Variants in CREB5 observed in about 807,000 individuals in gnomAD.
The protein encoded by CREB5 is cyclic AMP-responsive element-binding protein 5.
CREB5 carries 19 observed loss-of-function variants against 57.1 expected under a neutral mutation model. The observed-to-expected ratio is 0.33, with a 90% CI of 0.23 to 0.49. CREB5 has a LOEUF of 0.49. Ranked by LOEUF, CREB5 falls within the 20% of genes least tolerant of loss-of-function variation. The pLI is 0.99. For missense variants in CREB5, 579 were observed against 671.6 expected (o/e 0.86, Z 1.52); for synonymous variants, 238 against 238.3 (o/e 1.00, Z 0.01).
At chr7:28,515,547 AG>A (rs1319744074) in intron 4 of CREB5, among the ~76,000 whole-genome samples, 1 of 152,110 alleles carries the variant, frequency 6.6e-6, no homozygotes, top group East Asian at 1.9e-4. Context: ...AACCATACCC[AG>A]GGCTTTCCCA....
chr7:28,772,511 A>G (rs775065076), intron 7 of CREB5, among the ~76,000 whole-genome samples: 13 of 152,110 alleles, frequency 8.5e-5, no homozygotes, highest in Non-Finnish European at 1.6e-4. Context: ...CCAGCACTGA[A>G]TAACTGGGTA....
At chr7:28,513,488 G>T (rs996139679) in intron 4 of CREB5, 2 of 150,680 alleles carry the variant, frequency 1.3e-5, no homozygotes, top group Non-Finnish European at 2.9e-5. Flanking sequence ...AACACTCATT[G>T]ACAGTGATAT....
chr7:28,685,082 A>G (rs1800796569), intron 5 of CREB5, among the ~76,000 whole-genome samples: 1 of 152,076 alleles, frequency 6.6e-6, no homozygotes, highest in Non-Finnish European at 1.5e-5. Context: ...AAAAAGAGAC[A>G]CACATACTGT....
intron 1 of CREB5, among the ~76,000 whole-genome samples, chr7:28,446,012 T>C (rs982714789): frequency 6.6e-6 from 1 of 152,222 alleles, no homozygotes; most frequent in African/African-American, 2.4e-5. Context: ...ATTCTGTCCC[T>C]ATTCCCTGAA....
chr7:28,571,936 G>A (rs1325094255), intron 5 of CREB5, among the ~76,000 whole-genome samples: 1 of 152,192 alleles, frequency 6.6e-6, no homozygotes, highest in East Asian at 1.9e-4. Context: ...TGTTTGGTAT[G>A]TGCATCAACA....
chr7:28,551,458 C>G (rs955795238), intron 4 of CREB5, among the ~76,000 whole-genome samples: 2 of 152,154 alleles, frequency 1.3e-5, no homozygotes, highest in Non-Finnish European at 1.5e-5. Flanking sequence ...AATTCCTTCC[C>G]GGGTTCATAT....
At chr7:28,535,561 CTA>C (rs1462009680) in intron 4 of CREB5, among the ~76,000 whole-genome samples, 1 of 151,248 alleles carries the variant, frequency 6.6e-6, no homozygotes, top group Non-Finnish European at 1.5e-5. Flanking sequence ...TTTTCAGACA[CTA>C]TATCATCTTA....
rs540905066 is a variant in CREB5 at position 28,729,287 on chromosome 7, G to T, written c.702+4955G>T. Among the ~76,000 whole-genome samples, 4 of 152,262 alleles carry T rather than the reference G, an allele frequency of 2.6e-5. No homozygotes were observed. The South Asian group carries it at 8.3e-4, about 32-fold the overall frequency. ...TTTTAAACACAAAACTGGACCCTGAGCTTGGGCCTTCACATTTCTACCTAG... is the reference window on the plus strand; with the variant it reads ...TTTTAAACACAAAACTGGACCCTGATCTTGGGCCTTCACATTTCTACCTAG... On this transcript the variant is annotated intron_variant, in intron 7 of 10. Coordinates refer to ENST00000357727, the MANE Select transcript of CREB5 (RefSeq NM_182898.4).
chr7:28,393,950 C>T (rs1787281454), intron 1 of CREB5, among the ~76,000 whole-genome samples: 1 of 151,634 alleles, frequency 6.6e-6, no homozygotes, highest in Non-Finnish European at 1.5e-5. Context: ...TTGTGCACAC[C>T]TGTAGTCCCA....
chr7:28,438,891 C>G lies in CREB5; in HGVS notation c.3+25974C>G, dbSNP rs141743418. Among the ~76,000 whole-genome samples, 5 of 152,260 alleles carry G rather than the reference C, an allele frequency of 3.3e-5. No individual in the cohort carries two copies. In the East Asian group the frequency reaches 9.6e-4, roughly 29 times the overall value. On this transcript the variant is annotated intron_variant, in intron 1 of 10. Coordinates refer to ENST00000357727, the MANE Select transcript of CREB5 (RefSeq NM_182898.4). The stretch of plus-strand genomic sequence containing the variant: ...GCTTCCAACAGCAAGTTTTGAAATA[C>G]AGGTCCAACATTTTTGTGGGAAAGG...
intron 5 of CREB5, among the ~76,000 whole-genome samples, chr7:28,667,592 AAGAG>A (rs1413609779): frequency 5.7e-5 from 8 of 140,410 alleles, no homozygotes; most frequent in East Asian, 2.0e-4. Context: ...AAAAAAATAA[AAGAG>A]AGAAAAGAAA....
intron 1 of CREB5, among the ~76,000 whole-genome samples, chr7:28,441,821 T>C (rs1361319647): frequency 6.6e-6 from 1 of 152,148 alleles, no homozygotes; most frequent in African/African-American, 2.4e-5. Context: ...TTTTAAAAAC[T>C]TTTTTAAATT....
chr7:28,351,354 A>G (rs1786181341), intron 1 of CREB5, among the ~76,000 whole-genome samples: 1 of 152,200 alleles, frequency 6.6e-6, no homozygotes, highest in Non-Finnish European at 1.5e-5. Context: ...GTTCCTATTC[A>G]GGACACACAC....
intron 1 of CREB5, among the ~76,000 whole-genome samples, chr7:28,321,789 A>G (rs1785499469): frequency 6.6e-6 from 1 of 152,204 alleles, no homozygotes; most frequent in Non-Finnish European, 1.5e-5. Flanking sequence ...ATTCAAAGGT[A>G]AAATTATTAA....
intron 9 of CREB5, among the ~76,000 whole-genome samples, chr7:28,813,437 T>C (rs1809244163): frequency 6.6e-6 from 1 of 152,198 alleles, no homozygotes; most frequent in African/African-American, 2.4e-5. Context: ...TGCTGAAATT[T>C]TGGACACATG....
chr7:28,551,817 TGA>T (rs1794653873), intron 4 of CREB5, among the ~76,000 whole-genome samples: 6 of 136,070 alleles, frequency 4.4e-5, no homozygotes, highest in Non-Finnish European at 9.4e-5. Context: ...GTCACCTCTA[TGA>T]TTTTTCTTTC....
At chr7:28,491,040 A>G (rs1562753230) in intron 2 of CREB5, 3 of 198,422 alleles carry the variant, frequency 1.5e-5, no homozygotes, top group Non-Finnish European at 1.8e-5. Context: ...CCGGCAACCT[A>G]TGAGAGGGGA....
At chr7:28,768,795 C>T (rs1025944525) in intron 7 of CREB5, among the ~76,000 whole-genome samples, 5 of 152,200 alleles carry the variant, frequency 3.3e-5, no homozygotes, top group African/African-American at 4.8e-5. Context: ...TGAGAAATTC[C>T]TCCCACTCAA....
At chr7:28,734,099 C>T (rs527569196) in intron 7 of CREB5, among the ~76,000 whole-genome samples, 1 of 150,456 alleles carries the variant, frequency 6.6e-6, no homozygotes, top group Non-Finnish European at 1.5e-5. Flanking sequence ...CATGAGGCCT[C>T]TTGACCCCTG....
Sources: gnomAD v4.1 joint callset for allele counts (sites outside exome capture counted in the v4.1 genomes callset) on GRCh38, gnomAD v4.1.1 for gene constraint, MANE v1.5 for transcripts, NCBI Gene and HGNC (gene_info 2026-07-23, HGNC 2026-07-21) for gene names.